FBRSL1: variants seen among roughly 807,000 people sequenced by gnomAD.
The protein encoded by FBRSL1 is fibrosin-1-like protein.
FBRSL1 carries 51 observed loss-of-function variants against 89.6 expected under a neutral mutation model. That is an observed-to-expected ratio of 0.57 (90% confidence interval 0.45 to 0.72). The LOEUF (loss-of-function observed/expected upper bound fraction) is 0.72. Ranked by LOEUF, FBRSL1 falls within the 30% of genes least tolerant of loss-of-function variation. The probability of loss-of-function intolerance (pLI) is 0.00; values close to 1 mark genes in which losing one functional copy is unlikely to be tolerated. For missense variants in FBRSL1, 1,618 were observed against 1,451.8 expected (o/e 1.11, Z -1.86); for synonymous variants, 779 against 681.1 (o/e 1.14, Z -2.24).
chr12:132,535,125 G>A (rs1332624806), intron 4 of FBRSL1, among the ~76,000 whole-genome samples: 1 of 152,232 alleles, frequency 6.6e-6, no homozygotes, highest in Admixed American at 6.5e-5. Flanking sequence ...CTGTGACACG[G>A]GGGTTAGGAA....
At chr12:132,507,917 G>A (rs903135628) in intron 1 of FBRSL1, among the ~76,000 whole-genome samples, 7 of 152,082 alleles carry the variant, frequency 4.6e-5, no homozygotes, top group Non-Finnish European at 1.0e-4. Flanking sequence ...TTCTCGTCTG[G>A]CCCCTTCGAT....
intron 1 of FBRSL1, among the ~76,000 whole-genome samples, chr12:132,501,768 A>C (rs537814355): frequency 6.6e-6 from 1 of 152,210 alleles, no homozygotes; most frequent in Middle Eastern, 3.4e-3. Context: ...AGCGCTGGCC[A>C]CACAGCAGGG....
At chr12:132,506,047 C>T (rs1458746011) in intron 1 of FBRSL1, among the ~76,000 whole-genome samples, 1 of 152,246 alleles carries the variant, frequency 6.6e-6, no homozygotes, top group Admixed American at 6.5e-5. Flanking sequence ...TCGGTGTGGG[C>T]ACCCACCCCA....
chr12:132,525,904 C>T (rs966645956), intron 3 of FBRSL1, 81 bp downstream of exon 3: 14 of 1,199,384 alleles, frequency 1.2e-5, no homozygotes, highest in East Asian at 2.6e-5. Flanking sequence ...GCGTCCAGTC[C>T]GAGTCTGGGC....
At chr12:132,540,767 C>CCCA (rs2037192654) in intron 4 of FBRSL1, among the ~76,000 whole-genome samples, 1 of 151,974 alleles carries the variant, frequency 6.6e-6, no homozygotes, top group Admixed American at 6.6e-5. Context: ...GGGGGCCCCT[C>CCCA]CCCGATGGCA....
chr12:132,572,222 C>G, intron 9 of FBRSL1, 66 bp from the exon 10 acceptor site: 1 of 1,465,256 alleles, frequency 6.8e-7, no homozygotes, highest in Non-Finnish European at 9.3e-7. Context: ...GCCAGGTGGG[C>G]GGGGCCCGGG....
At chr12:132,504,063 G>C (rs2033366194) in intron 1 of FBRSL1, among the ~76,000 whole-genome samples, 1 of 152,162 alleles carries the variant, frequency 6.6e-6, no homozygotes, top group Non-Finnish European at 1.5e-5. Context: ...CATCACTCTA[G>C]GTGGGAAGCA....
At chr12:132,574,437 A>G (rs1017782057) in intron 13 of FBRSL1, 56 bp from the exon 14 acceptor site, 3 of 1,548,348 alleles carry the variant, frequency 1.9e-6, no homozygotes, top group African/African-American at 2.7e-5. Flanking sequence ...AGGAGTCTGC[A>G]GAAAACATGG....
intron 1 of FBRSL1, among the ~76,000 whole-genome samples, chr12:132,501,990 C>T (rs2033038273): frequency 6.6e-6 from 1 of 152,212 alleles, no homozygotes; most frequent in South Asian, 2.1e-4. Context: ...CTTGCCTTTC[C>T]TTTTATTCTT....
At chr12:132,573,326 C>T (rs1013235078) in intron 11 of FBRSL1, among the ~76,000 whole-genome samples, 42 of 152,192 alleles carry the variant, frequency 2.8e-4, no homozygotes, top group African/African-American at 9.6e-4. Flanking sequence ...GGGCCCAGCA[C>T]GCACCCCTGG....
intron 4 of FBRSL1, among the ~76,000 whole-genome samples, chr12:132,529,155 C>T (rs916991497): frequency 6.6e-6 from 1 of 152,218 alleles, no homozygotes; most frequent in Non-Finnish European, 1.5e-5. Context: ...CCCATCCCTG[C>T]AGCCCCCGAA....
In FBRSL1 at chr12:132,569,870, A is replaced by G. The variant is rs2039886539; in HGVS notation, c.692-56A>G. 3.1e-6 allele frequency: 4 copies of G among 1,286,332 alleles called. No homozygotes were observed. In the South Asian group the frequency reaches 8.3e-5, roughly 27 times the overall value. 79.7% of individuals were successfully genotyped at this position (1,286,332 alleles called of 1,614,324 possible). Reference sequence around the variant, plus strand: ...CACGTACCAGGGCTCCCTGGGCCACAGGAGGGGCAGGGACGAGGCCCTGCT... The same window carrying G: ...CACGTACCAGGGCTCCCTGGGCCACGGGAGGGGCAGGGACGAGGCCCTGCT... On this transcript the variant is annotated intron_variant, in intron 6 of 18. Transcript: ENST00000680143.
intron 17 of FBRSL1, 80 bp from the exon 18 acceptor site, chr12:132,581,981 TA>T: frequency 7.3e-7 from 1 of 1,361,720 alleles, no homozygotes. Flanking sequence ...GGGACCCTTC[TA>T]AAACCCCTAC....
chr12:132,500,058 C>G (rs994974708), intron 1 of FBRSL1, among the ~76,000 whole-genome samples: 1 of 152,128 alleles, frequency 6.6e-6, no homozygotes, highest in African/African-American at 2.4e-5. Context: ...GTACGTGCAC[C>G]CGGGACCCTC....
chr12:132,568,780 C>A (rs1328577695), intron 6 of FBRSL1, among the ~76,000 whole-genome samples: 1 of 152,130 alleles, frequency 6.6e-6, no homozygotes, highest in Admixed American at 6.5e-5. Context: ...CTCCCTCTCT[C>A]CTGTGTCCTC....
chr12:132,573,357 A>G (rs557964282), intron 11 of FBRSL1, among the ~76,000 whole-genome samples: 1 of 152,256 alleles, frequency 6.6e-6, no homozygotes, highest in South Asian at 2.1e-4. Flanking sequence ...GGCACCGCCC[A>G]CATCGTGGAC....
intron 14 of FBRSL1, 35 bp from the exon 15 acceptor site, chr12:132,576,764 C>T (rs776872203): frequency 3.3e-5 from 51 of 1,539,724 alleles, no homozygotes; most frequent in Middle Eastern, 3.4e-4. Flanking sequence ...GGCCAGTCCC[C>T]GGGCAGGCGG....
intron 16 of FBRSL1, 78 bp downstream of exon 16, chr12:132,581,594 G>A: frequency 6.6e-7 from 1 of 1,520,894 alleles, no homozygotes; most frequent in Non-Finnish European, 8.9e-7. Context: ...AGGTGGGCGG[G>A]AAGGTGGCCC....
At chr12:132,509,428 C>T (rs2034066737) in intron 2 of FBRSL1, 1 of 1,241,608 alleles carries the variant, frequency 8.1e-7, no homozygotes, top group African/African-American at 1.6e-5. Flanking sequence ...CCCGGTCAGC[C>T]CTGCCGGCCC....
Sources: allele counts gnomAD v4.1 joint callset (sites outside exome capture counted in the v4.1 genomes callset), GRCh38; gene constraint gnomAD v4.1.1; transcripts MANE v1.5; gene names NCBI Gene and HGNC (gene_info 2026-07-23, HGNC 2026-07-21).